The following TTLL5 variants were observed in gnomAD, a reference collection of about 807,000 sequenced individuals.
TTLL5 encodes tubulin polyglutamylase TTLL5.
A neutral mutation model predicts 168.4 loss-of-function variants in TTLL5; 132 were observed. The ratio of observed to expected loss-of-function variants is 0.78; its 90% CI spans 0.68 to 0.91. TTLL5 has a LOEUF of 0.91. TTLL5 is among the 40% of genes least tolerant of loss of function. The probability of loss-of-function intolerance (pLI) is 0.00; values close to 1 mark genes in which losing one functional copy is unlikely to be tolerated. For synonymous variants in TTLL5, 546 were observed against 558.6 expected (o/e 0.98, Z 0.32); for missense variants, 1,545 against 1,581.5 (o/e 0.98, Z 0.39).
chr14:75,734,327 C>T (rs955974256), intron 14 of TTLL5, among the ~76,000 whole-genome samples: 3 of 152,170 alleles, frequency 2.0e-5, no homozygotes, highest in Admixed American at 6.5e-5. Flanking sequence ...GTATTTTTCT[C>T]CAAGCTGGGA....
chr14:75,662,500 A>ATTTTTT (rs541035818), intron 1 of TTLL5, among the ~76,000 whole-genome samples: 1 of 133,514 alleles, frequency 7.5e-6, no homozygotes, highest in Non-Finnish European at 1.6e-5. Context: ...AATTTTTTGT[A>ATTTTTT]TTTTTTTTTT....
chr14:75,677,308 A>G (rs1884237838), intron 3 of TTLL5, among the ~76,000 whole-genome samples: 1 of 150,386 alleles, frequency 6.6e-6, no homozygotes, highest in Admixed American at 6.6e-5. Context: ...TAAACAATTT[A>G]TTGAAGGCTA....
intron 31 of TTLL5, among the ~76,000 whole-genome samples, chr14:75,912,868 T>C (rs939309188): frequency 2.9e-4 from 44 of 152,186 alleles, no homozygotes; most frequent in African/African-American, 1.0e-3. Context: ...TGTGCAAAGA[T>C]AAAATATTAT....
chr14:75,716,830 T>G (rs1887498110), intron 9 of TTLL5, among the ~76,000 whole-genome samples: 1 of 152,210 alleles, frequency 6.6e-6, no homozygotes, highest in Non-Finnish European at 1.5e-5. Flanking sequence ...ACTTTGGTCT[T>G]CTTTTGACAA....
At chr14:75,831,306 G>A (rs1184915578) in intron 28 of TTLL5, among the ~76,000 whole-genome samples, 2 of 152,164 alleles carry the variant, frequency 1.3e-5, no homozygotes, top group Non-Finnish European at 2.9e-5. Context: ...CTAATTTGTG[G>A]TCCTGGAAGG....
intron 31 of TTLL5, among the ~76,000 whole-genome samples, chr14:75,937,820 G>A (rs1441257134): frequency 2.0e-5 from 3 of 152,188 alleles, no homozygotes; most frequent in Non-Finnish European, 4.4e-5. Flanking sequence ...GTGAACATGG[G>A]TGTGCAAATA....
intron 31 of TTLL5, among the ~76,000 whole-genome samples, chr14:75,910,101 A>G (rs148505762): frequency 6.6e-6 from 1 of 152,376 alleles, no homozygotes; most frequent in African/African-American, 2.4e-5. Context: ...ATTAAGAGAT[A>G]GGCTATGGAG....
At chr14:75,684,596 A>G (rs1409347036) in intron 5 of TTLL5, 1 of 152,218 alleles carries the variant, frequency 6.6e-6, no homozygotes, top group Non-Finnish European at 1.5e-5. Context: ...TGGTGTTTGG[A>G]TGAATTGTAT....
intron 31 of TTLL5, among the ~76,000 whole-genome samples, chr14:75,913,132 G>A (rs1409172421): frequency 6.6e-6 from 1 of 152,138 alleles, no homozygotes; most frequent in African/African-American, 2.4e-5. Flanking sequence ...ATATATGCTT[G>A]GGAAAGCAGG....
intron 28 of TTLL5, among the ~76,000 whole-genome samples, chr14:75,862,436 T>C (rs2030094202): frequency 1.3e-5 from 2 of 152,224 alleles, no homozygotes; most frequent in Admixed American, 1.3e-4. Flanking sequence ...CCATTTTACT[T>C]TCCCACCAGC....
intron 4 of TTLL5, among the ~76,000 whole-genome samples, chr14:75,683,274 G>A (rs566906803): frequency 1.9e-4 from 29 of 152,368 alleles, no homozygotes; most frequent in African/African-American, 6.7e-4. Flanking sequence ...GAAAGCCTGA[G>A]AAAGAAATGC....
chr14:75,782,488 TCACC>T lies in TTLL5; in HGVS notation c.2519_2522del (p.His840LeufsTer4). 1 of 1,610,718 alleles carries T rather than the reference TCACC, an allele frequency of 6.2e-7. No individual in the cohort carries two copies. ...CAAGCTCATTATTTCTTATTTCAGA[TCACC>T]CTGAGACTATAATGGAAGAAGTGAA... On this transcript the variant is annotated frameshift_variant and splice_region_variant, in exon 25 of 32. Transcript: ENST00000298832. LOFTEE classifies it high-confidence loss of function.
At chr14:75,709,117 G>A (rs1254989375) in intron 9 of TTLL5, 2 of 719,238 alleles carry the variant, frequency 2.8e-6, no homozygotes, top group East Asian at 5.0e-5. Context: ...GAGGTGATTT[G>A]CATCTGTGAG....
chr14:75,782,701 C>T, intron 25 of TTLL5, 128 bp downstream of exon 25: 2 of 833,888 alleles, frequency 2.4e-6, no homozygotes, highest in Non-Finnish European at 3.5e-6. Flanking sequence ...TTTCTTTTTC[C>T]TTTTCCCTTA....
At chr14:75,707,229 C>T in intron 8 of TTLL5, 142 bp downstream of exon 8, 1 of 664,312 alleles carries the variant, frequency 1.5e-6, no homozygotes, top group South Asian at 2.0e-5. Flanking sequence ...CAGCAGGTTC[C>T]TTACCTATCT....
intron 15 of TTLL5, among the ~76,000 whole-genome samples, chr14:75,742,010 C>T (rs999571807): frequency 2.0e-5 from 3 of 152,104 alleles, no homozygotes; most frequent in African/African-American, 7.2e-5. Context: ...AAAAACAATA[C>T]CCAGGAATTG....
intron 6 of TTLL5, among the ~76,000 whole-genome samples, chr14:75,693,660 C>T (rs1003897900): frequency 3.9e-5 from 6 of 152,148 alleles, no homozygotes; most frequent in Non-Finnish European, 5.9e-5. Context: ...CCAGCCATTC[C>T]CCTCAAGGGG....
At chr14:75,727,909 G>A (rs566033963) in intron 12 of TTLL5, 54 of 462,624 alleles carry the variant, frequency 1.2e-4, no homozygotes, top group African/African-American at 8.9e-4. Context: ...TCCTTTTGGG[G>A]TGATGGAAAC....
intron 14 of TTLL5, 41 bp downstream of exon 14, chr14:75,734,091 T>G: frequency 6.3e-7 from 1 of 1,595,858 alleles, no homozygotes; most frequent in Non-Finnish European, 8.6e-7. Flanking sequence ...ACATAAAAAT[T>G]AACCGGAGCG....
Sources: allele counts gnomAD v4.1 joint callset (sites outside exome capture counted in the v4.1 genomes callset), GRCh38; gene constraint gnomAD v4.1.1; transcripts MANE v1.5; gene names NCBI Gene and HGNC (gene_info 2026-07-23, HGNC 2026-07-21).